The following FERMT1 variants were observed in gnomAD, a reference collection of about 807,000 sequenced individuals.
FERMT1 encodes the protein FERM domain containing kindlin 1.
In FERMT1, 60 loss-of-function variants were observed where a neutral mutation model predicts 85.3. That is an observed-to-expected ratio of 0.70 (90% CI 0.57 to 0.87). The LOEUF (loss-of-function observed/expected upper bound fraction) is 0.87, where lower values mean the gene tolerates loss of function less well. Ranked by LOEUF, FERMT1 falls within the 40% of genes least tolerant of loss-of-function variation. The pLI is 0.00. For missense variants in FERMT1, 701 were observed against 818.9 expected (o/e 0.86, Z 1.76); for synonymous variants, 275 against 301.1 (o/e 0.91, Z 0.90).
chr20:6,090,651 A>T (rs1982330925), intron 9 of FERMT1, among the ~76,000 whole-genome samples: 1 of 151,940 alleles, frequency 6.6e-6, no homozygotes, highest in Admixed American at 6.6e-5. Flanking sequence ...ATGTGGGAGG[A>T]TTGGTTAAGC....
At chr20:6,117,460 G>T (rs1299866328) in intron 2 of FERMT1, among the ~76,000 whole-genome samples, 5 of 149,050 alleles carry the variant, frequency 3.4e-5, no homozygotes, top group Non-Finnish European at 7.4e-5. Context: ...TTGAGATGGA[G>T]TCTCACTCTG....
intron 1 of FERMT1, 103 bp from the exon 2 acceptor site, chr20:6,119,675 T>A: frequency 1.1e-6 from 1 of 911,470 alleles, no homozygotes; most frequent in Non-Finnish European, 1.7e-6. Context: ...TTTTTCATTG[T>A]AACCTCCTCT....
chr20:6,120,261 T>G (rs1409849807), intron 1 of FERMT1: 1 of 152,256 alleles, frequency 6.6e-6, no homozygotes, highest in African/African-American at 2.4e-5. Flanking sequence ...ATTATTGCCA[T>G]GTATTCGATT....
At chr20:6,097,935 C>A (rs1982555108) in intron 6 of FERMT1, among the ~76,000 whole-genome samples, 1 of 152,072 alleles carries the variant, frequency 6.6e-6, no homozygotes, top group Admixed American at 6.6e-5. Context: ...GTGCCCCAGC[C>A]TCCCAAGTAG....
At chr20:6,090,065 T>G (rs1568656583) in intron 9 of FERMT1, among the ~76,000 whole-genome samples, 1 of 152,048 alleles carries the variant, frequency 6.6e-6, no homozygotes, top group Non-Finnish European at 1.5e-5. Context: ...GAACCATTCA[T>G]ATGTAATTTG....
chr20:6,089,080 C>T lies in FERMT1; in HGVS notation c.1149G>A (p.Lys383=), dbSNP rs778100302. 6.2e-7 allele frequency: 1 copy of T among 1,611,776 alleles called. No individual in the cohort carries two copies. The highest frequency in any genetic ancestry group is 8.5e-7 in the Non-Finnish European group (1 of 1,178,404). Residue 383 remains lysine, a synonymous_variant, in exon 10 of 15, where the codon AAG becomes AAA. Coordinates refer to ENST00000217289, the MANE Select transcript of FERMT1 (RefSeq NM_017671.5). ...ADNLKLFRPK[K]LLPKAFKQYW... ...ATTGTTTGAAAGCTTTTGGTAGTAACTTCTTGGGCCTGCAAATTCAAAGAT... is the reference window on the plus strand; with the variant it reads ...ATTGTTTGAAAGCTTTTGGTAGTAATTTCTTGGGCCTGCAAATTCAAAGAT...
At position 6,101,878 on chromosome 20, in the gene FERMT1, A is replaced by G; in HGVS notation, c.850-4247T>C. Among the ~76,000 whole-genome samples the G allele has an allele frequency of 1.3e-5, 2 of 151,626 alleles. 1 individual carries two copies. The highest frequency in any genetic ancestry group is 2.9e-5 in the Non-Finnish European group (2 of 67,900). ...ACCATGCTGCCAAGGCTGGTCTCAA[A>G]CTCCTGACCTCAGACAATCCACCTG... On this transcript the variant is annotated intron_variant, in intron 6 of 14. Transcript: ENST00000217289.
At chr20:6,088,851 T>A in intron 10 of FERMT1, 114 bp downstream of exon 10, 1 of 1,003,926 alleles carries the variant, frequency 1.0e-6, no homozygotes, top group South Asian at 1.3e-5. Context: ...CTCGAACTCC[T>A]GACCTCAGGT....
intron 5 of FERMT1, among the ~76,000 whole-genome samples, chr20:6,109,127 T>C (rs915575848): frequency 6.6e-5 from 10 of 152,036 alleles, no homozygotes; most frequent in Non-Finnish European, 1.5e-4. Context: ...AAATAAAAAC[T>C]GGGGAAAGAG....
chr20:6,082,914 C>T (rs866379504), intron 13 of FERMT1, among the ~76,000 whole-genome samples: 1 of 152,112 alleles, frequency 6.6e-6, no homozygotes, highest in Non-Finnish European at 1.5e-5. Flanking sequence ...TCCACTTTGG[C>T]CTCCCAAAGT....
At chr20:6,079,306 A>G (rs932100604) in intron 14 of FERMT1, 130 bp downstream of exon 14, 12 of 1,003,032 alleles carry the variant, frequency 1.2e-5, no homozygotes, top group African/African-American at 1.6e-5. Flanking sequence ...TAGCAGACAG[A>G]CAGTTACCAT....
In FERMT1 at chr20:6,077,162, G is replaced by A. The variant is rs752230036; in HGVS notation, c.*11C>T. 4.3e-6 allele frequency: 7 copies of A among 1,613,200 alleles called. No homozygotes were observed. In the South Asian group the frequency reaches 5.5e-5, roughly 13 times the overall value. On this transcript the variant is annotated 3_prime_UTR_variant, in exon 15 of 15. Transcript: ENST00000217289. ...TGCCTTGTTGGTGTGAGCCGAGCAC[G>A]CGTGCTTGTTTCAATCCTGACCGCC... is the stretch of plus-strand genomic sequence containing the variant.
rs141370702 is a variant in FERMT1 at position 6,080,099 on chromosome 20, C to T, written c.1719-522G>A. ...AATGGATATGCATGAGGATGTGAGC[C>T]GCGTGGATATCTGGGGAAAGAGTAT... On this transcript the variant is annotated intron_variant, in intron 13 of 14. Transcript: ENST00000217289. 7.9e-3 allele frequency among the ~76,000 whole-genome samples: 1,202 copies of T among 152,116 alleles called. 5 individuals carry two copies. The highest frequency in any genetic ancestry group is 0.013 in the Non-Finnish European group (860 of 67,996).
At chr20:6,106,495 C>G (rs1477670394) in intron 6 of FERMT1, among the ~76,000 whole-genome samples, 1 of 152,140 alleles carries the variant, frequency 6.6e-6, no homozygotes, top group East Asian at 1.9e-4. Flanking sequence ...GAGCAACAGG[C>G]ACAAAACAGT....
At chr20:6,093,649 G>T (rs1169751336) in intron 9 of FERMT1, among the ~76,000 whole-genome samples, 1 of 152,184 alleles carries the variant, frequency 6.6e-6, no homozygotes, top group Non-Finnish European at 1.5e-5. Flanking sequence ...AACCATTTAT[G>T]CCAGGGAAGT....
chr20:6,089,418 G>T (rs963699132), intron 9 of FERMT1, among the ~76,000 whole-genome samples: 1 of 152,188 alleles, frequency 6.6e-6, no homozygotes, highest in African/African-American at 2.4e-5. Context: ...GGGCTTTTGT[G>T]AGGACAGAAT....
At chr20:6,082,795 A>G (rs1982036035) in intron 13 of FERMT1, among the ~76,000 whole-genome samples, 1 of 152,180 alleles carries the variant, frequency 6.6e-6, no homozygotes, top group African/African-American at 2.4e-5. Flanking sequence ...AGCTGGGACT[A>G]CAGCTGCACA....
chr20:6,093,182 A>T (rs1982412302), intron 9 of FERMT1, among the ~76,000 whole-genome samples: 1 of 152,158 alleles, frequency 6.6e-6, no homozygotes, highest in Non-Finnish European at 1.5e-5. Flanking sequence ...TGAAGGGCCT[A>T]TTAGAGGTCC....
At chr20:6,078,407 T>C (rs147161922) in intron 14 of FERMT1, among the ~76,000 whole-genome samples, 1 of 152,344 alleles carries the variant, frequency 6.6e-6, no homozygotes, top group East Asian at 1.9e-4. Context: ...TGACTTTCTA[T>C]TGGAAAATGA....
Sources: allele counts gnomAD v4.1 joint callset (sites outside exome capture counted in the v4.1 genomes callset), GRCh38; gene constraint gnomAD v4.1.1; transcripts MANE v1.5; gene names NCBI Gene and HGNC (gene_info 2026-07-23, HGNC 2026-07-21).